The following CCL16 variants were observed in gnomAD, a reference collection of about 807,000 sequenced individuals.
The protein encoded by CCL16 is C-C motif chemokine ligand 16.
Under a neutral mutation model 7.5 loss-of-function variants are expected in CCL16, and 6 were observed. That is an observed-to-expected ratio of 0.80 (90% CI 0.44 to 1.57). The LOEUF is 1.57. CCL16 is among the 40% of genes most tolerant of loss of function. The pLI is 0.01. For synonymous variants in CCL16, 60 were observed against 57.7 expected (o/e 1.04, Z -0.18); for missense variants, 134 against 142.9 (o/e 0.94, Z 0.32).
At position 35,977,528 on chromosome 17, in the gene CCL16, C is replaced by T; in HGVS notation, c.*38G>A. ...CCCCTGTTTTCATAGGTTTACCCCT[C>T]TCTTCTGTAAACAAGGGCTTCCACT... is the stretch of plus-strand genomic sequence containing the variant. On this transcript the variant is annotated 3_prime_UTR_variant, in exon 3 of 3. Transcript: ENST00000611905. 6.3e-7 allele frequency: 1 copy of T among 1,598,820 alleles called. No individual in the cohort carries two copies. The highest frequency in any genetic ancestry group is 1.3e-5 in the African/African-American group (1 of 74,632).
chr17:35,981,102 G>A (rs114220611), intron 1 of CCL16, among the ~76,000 whole-genome samples: 3 of 151,936 alleles, frequency 2.0e-5, no homozygotes, highest in Non-Finnish European at 2.9e-5. Flanking sequence ...TGCTCACCAC[G>A]CTTGGGACTC....
intron 1 of CCL16, among the ~76,000 whole-genome samples, chr17:35,979,454 C>A (rs1221558100): frequency 6.6e-6 from 1 of 152,100 alleles, no homozygotes; most frequent in Non-Finnish European, 1.5e-5. Flanking sequence ...ATGATTTAGG[C>A]TTTGGGGTCA....
At chr17:35,980,562 C>CA in intron 1 of CCL16, 1 of 176,774 alleles carries the variant, frequency 5.7e-6, no homozygotes, top group Non-Finnish European at 1.2e-5. Flanking sequence ...AGCAAACAAA[C>CA]AAAAAAACAA....
intron 1 of CCL16, among the ~76,000 whole-genome samples, chr17:35,979,592 A>C (rs1260067481): frequency 1.3e-5 from 2 of 152,154 alleles, no homozygotes; most frequent in Non-Finnish European, 2.9e-5. Context: ...CTTGTATCCT[A>C]GGATCATGGT....
At chr17:35,977,771 G>C in intron 2 of CCL16, 40 bp from the exon 3 acceptor site, 6 of 1,598,126 alleles carry the variant, frequency 3.8e-6, no homozygotes, top group South Asian at 2.2e-5. Flanking sequence ...CTGCAGACTC[G>C]GGCAGGAGTC....
rs1465308587 is a variant in CCL16 at position 35,977,658 on chromosome 17, G to A, written c.271C>T (p.Pro91Ser). Residue 91 changes from proline to serine, a missense_variant, in exon 3 of 3, where the codon CCC (proline) becomes TCC (serine). Transcript: ENST00000611905. ...CTGGTAGGCAGCAAAGGTAGGTTGG[G>A]ATCCTTGATGTACTCTTGGACCCAG... is the stretch of plus-strand genomic sequence containing the variant. ...DDWVQEYIKD[P>S]NLPLLPTRNL... The A allele has an allele frequency of 6.2e-7, 1 of 1,612,236 alleles. No homozygotes were observed. The highest frequency in any genetic ancestry group is 1.1e-5 in the South Asian group (1 of 90,982).
rs776524378 is a variant in CCL16 at position 35,978,184 on chromosome 17, C to T, written c.156G>A (p.Val52=). Residue 52 remains valine, a synonymous_variant, in exon 2 of 3, where the codon GTG becomes GTA. Coordinates refer to ENST00000611905, the MANE Select transcript of CCL16 (RefSeq NM_004590.4). ...GACAGTTGAGGGCCTTTCTGTATCC[C>T]ACCACTAGTCTCCTTGGCAACACTT... ...YEKVLPRRLV[V]GYRKALNCHL... is the part of the protein sequence containing the mutation. 1.2e-6 allele frequency: 2 copies of T among 1,614,076 alleles called. No homozygotes were observed. The highest frequency in any genetic ancestry group is 1.7e-6 in the Non-Finnish European group (2 of 1,180,034).
chr17:35,976,874 T>A lies in CCL16; in HGVS notation c.*692A>T, dbSNP rs1420075369. The A allele has an allele frequency of 6.6e-6, 1 of 152,194 alleles. No individual in the cohort carries two copies. Among genetic ancestry groups the A allele is most frequent in the Non-Finnish European group, 1.5e-5 (1 of 68,044 alleles). The allele number at this position is 152,194 out of a possible 1,614,324, so 9.4% of individuals were successfully genotyped here. On this transcript the variant is annotated 3_prime_UTR_variant, in exon 3 of 3. Transcript: ENST00000611905. The stretch of plus-strand genomic sequence containing the variant: ...TGGACAGGAAAAATCAAGAGTTCTA[T>A]GGGGCTCTTAATGGGTCAAGACCCA...
intron 1 of CCL16, among the ~76,000 whole-genome samples, chr17:35,978,473 C>T (rs544599289): frequency 1.3e-5 from 2 of 152,328 alleles, no homozygotes; most frequent in Admixed American, 6.5e-5. Context: ...AGCTGAGTGT[C>T]AACTACAAAT....
Position 35,977,449 on chromosome 17 carries a change from A to T in CCL16, c.*117T>A. On this transcript the variant is annotated 3_prime_UTR_variant, in exon 3 of 3. Transcript: ENST00000611905. ...TTCGAAATACTTCTCCTTTATTTTG[A>T]TCATTGTTCTGCTTCTCTCAATGTG... 1.2e-6 allele frequency: 1 copy of T among 854,580 alleles called. No individual in the cohort carries two copies. Among genetic ancestry groups the T allele is most frequent in the Non-Finnish European group, 1.8e-6 (1 of 552,936 alleles). The allele number at this position is 854,580 out of a possible 1,614,324, so 52.9% of individuals were successfully genotyped here.
chr17:35,977,675 T>C lies in CCL16; in HGVS notation c.254A>G (p.Gln85Arg), dbSNP rs1242213321. Reference sequence around the variant, plus strand: ...TAGGTTGGGATCCTTGATGTACTCTTGGACCCAGTCGTCATTGGGGTTGGT... The same window carrying C: ...TAGGTTGGGATCCTTGATGTACTCTCGGACCCAGTCGTCATTGGGGTTGGT... ...VCTNPNDDWV[Q>R]EYIKDPNLPL... The change falls in exon 3 of 3, where the codon CAA becomes CGA. Residue 85 changes from glutamine (Q) to arginine (R), a missense_variant. Gln to Arg is a conservative substitution (Grantham distance 43, BLOSUM62 1). Coordinates refer to ENST00000611905, the MANE Select transcript of CCL16 (RefSeq NM_004590.4). 1 of 1,612,182 alleles carries C rather than the reference T, an allele frequency of 6.2e-7. No homozygotes were observed. Among genetic ancestry groups the C allele is most frequent in the Admixed American group, 1.7e-5 (1 of 60,004 alleles).
rs755992491 is a variant in CCL16, at chr17:35,978,240, G to A, written c.100C>T (p.Pro34Ser). The change falls in exon 2 of 3, where the codon CCA becomes TCA. Residue 34 changes from proline to serine, a missense_variant. By Grantham distance (74) the Pro-to-Ser change is moderately conservative. Transcript: ENST00000611905. ...QPKVPEWVNT[P>S]STCCLKYYEK... is the part of the protein sequence containing the mutation. Reference sequence around the variant, plus strand: ...TAATACTTCAGGCAGCAGGTGGATGGGGTGTTCACCCACTCAGGAACTTCT... The same window carrying A: ...TAATACTTCAGGCAGCAGGTGGATGAGGTGTTCACCCACTCAGGAACTTCT... The A allele has an allele frequency of 6.2e-7, 1 of 1,614,210 alleles. No homozygotes were observed. Among genetic ancestry groups the A allele is most frequent in the Non-Finnish European group, 8.5e-7 (1 of 1,180,040 alleles).
Position 35,977,659 on chromosome 17 carries a change from A to T in CCL16, c.270T>A (p.Asp90Glu), listed in dbSNP as rs199882984. 1.1e-5 allele frequency: 17 copies of T among 1,612,122 alleles called. No homozygotes were observed. The highest frequency in any genetic ancestry group is 1.4e-5 in the Non-Finnish European group (17 of 1,179,988). ...TGGTAGGCAGCAAAGGTAGGTTGGG[A>T]TCCTTGATGTACTCTTGGACCCAGT... ...NDDWVQEYIK[D>E]PNLPLLPTRN... The change falls in exon 3 of 3, where the codon GAT becomes GAA. Residue 90 changes from aspartate to glutamate, a missense_variant. Transcript: ENST00000611905.
At chr17:35,980,647 C>T (rs990250147) in intron 1 of CCL16, among the ~76,000 whole-genome samples, 10 of 152,174 alleles carry the variant, frequency 6.6e-5, no homozygotes, top group Admixed American at 2.0e-4. Flanking sequence ...ACCAGGTCCT[C>T]GTAAACAATG....
intron 1 of CCL16, 98 bp from the exon 2 acceptor site, chr17:35,978,361 G>T: frequency 6.5e-7 from 1 of 1,536,578 alleles, no homozygotes; most frequent in Non-Finnish European, 8.9e-7. Context: ...TCCTCTGATA[G>T]CAAAGCCGTC....
intron 2 of CCL16, 57 bp from the exon 3 acceptor site, chr17:35,977,788 C>T (rs2089649968): frequency 6.4e-7 from 1 of 1,565,482 alleles, no homozygotes; most frequent in Non-Finnish European, 8.7e-7. Context: ...AGTCCGGTGC[C>T]CACCCCCACC....
chr17:35,979,374 C>G (rs934568677), intron 1 of CCL16, among the ~76,000 whole-genome samples: 1 of 151,800 alleles, frequency 6.6e-6, no homozygotes, highest in Admixed American at 6.6e-5. Flanking sequence ...ATTGGAGAGG[C>G]GGAGGTTAGG....
At chr17:35,979,374 C>T (rs934568677) in intron 1 of CCL16, among the ~76,000 whole-genome samples, 2 of 151,800 alleles carry the variant, frequency 1.3e-5, no homozygotes, top group South Asian at 2.1e-4. Context: ...ATTGGAGAGG[C>T]GGAGGTTAGG....
chr17:35,978,393 G>C (rs2089656841), intron 1 of CCL16, 130 bp from the exon 2 acceptor site: 14 of 1,199,058 alleles, frequency 1.2e-5, no homozygotes, highest in Non-Finnish European at 1.7e-5. Flanking sequence ...ACCAATGATA[G>C]CTTGACTGGT....
Sources: gnomAD v4.1 joint callset for allele counts (sites outside exome capture counted in the v4.1 genomes callset) on GRCh38, gnomAD v4.1.1 for gene constraint, MANE v1.5 for transcripts, NCBI Gene and HGNC (gene_info 2026-07-23, HGNC 2026-07-21) for gene names.